LAMA2: variants seen among roughly 807,000 people sequenced by gnomAD.
LAMA2 encodes the protein laminin subunit alpha 2, also known as laminin subunit alpha-2.
Under a neutral mutation model 364.8 loss-of-function variants are expected in LAMA2, and 269 were observed. That is an observed-to-expected ratio of 0.74 (90% CI 0.67 to 0.82). The LOEUF (loss-of-function observed/expected upper bound fraction) is 0.82, where lower values mean the gene tolerates loss of function less well. Among genes scored for constraint, LAMA2 ranks in the 40% least tolerant of loss-of-function variants. The pLI is 0.00. For missense variants in LAMA2, 3,807 were observed against 3,873.2 expected (o/e 0.98, Z 0.45); for synonymous variants, 1,379 against 1,370.6 (o/e 1.01, Z -0.14).
At chr6:128,920,826 T>C (rs1778662087) in intron 1 of LAMA2, among the ~76,000 whole-genome samples, 1 of 152,096 alleles carries the variant, frequency 6.6e-6, no homozygotes, top group Non-Finnish European at 1.5e-5. Context: ...TGACTTTTTA[T>C]GTTGAGAAAG....
intron 4 of LAMA2, among the ~76,000 whole-genome samples, chr6:129,127,173 A>G (rs750703462): frequency 2.6e-5 from 4 of 152,222 alleles, no homozygotes; most frequent in Admixed American, 6.5e-5. Flanking sequence ...GCTGTGCACT[A>G]AAAGTAAAAA....
At chr6:129,054,439 G>A (rs1270740106) in intron 2 of LAMA2, among the ~76,000 whole-genome samples, 1 of 152,100 alleles carries the variant, frequency 6.6e-6, no homozygotes, top group Non-Finnish European at 1.5e-5. Flanking sequence ...CATTGGTTCA[G>A]GGACTGGTGG....
intron 1 of LAMA2, among the ~76,000 whole-genome samples, chr6:128,948,162 G>T (rs1001333603): frequency 6.6e-6 from 1 of 152,036 alleles, no homozygotes; most frequent in South Asian, 2.1e-4. Context: ...GGAGGTTAAG[G>T]CTAGAAAAAT....
chr6:129,292,709 T>C, intron 20 of LAMA2: 1 of 667,932 alleles, frequency 1.5e-6, no homozygotes, highest in Non-Finnish European at 1.9e-6. Flanking sequence ...CTGGCCTTAC[T>C]GTAGGAAGTT....
At chr6:129,389,814 G>C (rs369375099) in intron 35 of LAMA2, among the ~76,000 whole-genome samples, 1 of 152,132 alleles carries the variant, frequency 6.6e-6, no homozygotes, top group Non-Finnish European at 1.5e-5. Context: ...CACAAGAACA[G>C]CAAGGGGGGA....
chr6:129,169,354 G>C (rs1256101681), intron 9 of LAMA2, among the ~76,000 whole-genome samples: 1 of 149,526 alleles, frequency 6.7e-6, no homozygotes, highest in Non-Finnish European at 1.5e-5. Flanking sequence ...CTAATTTATT[G>C]AGAGTTTTTA....
At chr6:129,477,929 C>A (rs1784153028) in intron 53 of LAMA2, among the ~76,000 whole-genome samples, 1 of 152,132 alleles carries the variant, frequency 6.6e-6, no homozygotes, top group Non-Finnish European at 1.5e-5. Flanking sequence ...GGACTCCAGG[C>A]ACACACCAAC....
intron 29 of LAMA2, among the ~76,000 whole-genome samples, chr6:129,334,197 C>G (rs977939582): frequency 6.6e-6 from 1 of 152,134 alleles, no homozygotes; most frequent in Non-Finnish European, 1.5e-5. Context: ...CATATCATAT[C>G]CATTATACAG....
At chr6:128,925,361 C>T (rs1235758874) in intron 1 of LAMA2, among the ~76,000 whole-genome samples, 2 of 152,122 alleles carry the variant, frequency 1.3e-5, no homozygotes, top group Admixed American at 1.3e-4. Context: ...CACATGCTAC[C>T]ATATGAATGG....
chr6:129,198,703 A>G (rs1781995267), intron 12 of LAMA2, among the ~76,000 whole-genome samples: 1 of 152,196 alleles, frequency 6.6e-6, no homozygotes, highest in African/African-American at 2.4e-5. Context: ...CAAATAAGGA[A>G]GTATCAGAAA....
At chr6:129,446,524 GGAGGGGAGGGGAGGC>G (rs1419660669) in intron 45 of LAMA2, among the ~76,000 whole-genome samples, 2 of 67,982 alleles carry the variant, frequency 2.9e-5, no homozygotes, top group African/African-American at 1.2e-4. Context: ...AGAGGGGAGG[GGAGGGGAGGGGAGGC>G]GAGGGGAGGG....
At chr6:129,501,289 G>A (rs1785615025) in intron 58 of LAMA2, among the ~76,000 whole-genome samples, 3 of 152,172 alleles carry the variant, frequency 2.0e-5, no homozygotes, top group Admixed American at 2.0e-4. Flanking sequence ...AGGCCATTCA[G>A]CTGTGCGAAT....
chr6:129,445,680 T>G lies in LAMA2; in HGVS notation c.6288T>G (p.Asp2096Glu), dbSNP rs1476911813. Reference sequence around the variant, plus strand: ...TGTTCTATGCAGTTGCCGATGCAGATGCCACTGTCAAAAATTTAGAACAGG... The same window carrying G: ...TGTTCTATGCAGTTGCCGATGCAGAGGCCACTGTCAAAAATTTAGAACAGG... ...PSKNKIIADA[D>E]ATVKNLEQEA... Residue 2096 changes from aspartate to glutamate, a missense_variant, in exon 45 of 65, where the codon GAT (aspartate) becomes GAG (glutamate). By Grantham distance (45) the Asp-to-Glu change is conservative (BLOSUM62 2). Coordinates refer to ENST00000421865, the MANE Select transcript of LAMA2 (RefSeq NM_000426.4). 3 of 1,613,886 alleles carry G rather than the reference T, an allele frequency of 1.9e-6. No individual in the cohort carries two copies. Among genetic ancestry groups the G allele is most frequent in the Non-Finnish European group, 2.5e-6 (3 of 1,179,926 alleles).
chr6:129,045,536 A>C (rs1444950211), intron 1 of LAMA2, among the ~76,000 whole-genome samples: 2 of 152,150 alleles, frequency 1.3e-5, no homozygotes, highest in Non-Finnish European at 2.9e-5. Flanking sequence ...CATTTTTATA[A>C]AGTGGAAAGA....
chr6:129,038,627 T>C (rs1786846286), intron 1 of LAMA2, among the ~76,000 whole-genome samples: 1 of 152,222 alleles, frequency 6.6e-6, no homozygotes. Context: ...TCTACTCCTA[T>C]CATTATCTGA....
In LAMA2 at chr6:128,948,334, G is replaced by T. The variant is rs115048750; in HGVS notation, c.112+64977G>T. 4.2e-3 allele frequency among the ~76,000 whole-genome samples: 643 copies of T among 152,234 alleles called. 4 individuals carry two copies. The highest frequency in any genetic ancestry group is 0.015 in the African/African-American group (612 of 41,550). On this transcript the variant is annotated intron_variant, in intron 1 of 64. Transcript: ENST00000421865. ...TCAACAAAGATATTATACTGGTCCT[G>T]TGAAGAGGCTTAGTCACTTCCCAGT... is the stretch of plus-strand genomic sequence containing the variant.
chr6:128,957,236 T>A (rs907780617), intron 1 of LAMA2, among the ~76,000 whole-genome samples: 1 of 152,144 alleles, frequency 6.6e-6, no homozygotes, highest in Non-Finnish European at 1.5e-5. Context: ...TGGACTCCAG[T>A]ACTATTCTAT....
At chr6:129,453,495 C>A (rs1017379700) in intron 46 of LAMA2, among the ~76,000 whole-genome samples, 1 of 152,112 alleles carries the variant, frequency 6.6e-6, no homozygotes, top group Non-Finnish European at 1.5e-5. Context: ...ACAATAAACT[C>A]TTCCGTTAAT....
chr6:129,099,432 T>G (rs1775391671), intron 4 of LAMA2, among the ~76,000 whole-genome samples: 1 of 152,142 alleles, frequency 6.6e-6, no homozygotes, highest in African/African-American at 2.4e-5. Flanking sequence ...GTGACTCTCT[T>G]GAATTATTCA....
Sources: gnomAD v4.1 joint callset for allele counts (sites outside exome capture counted in the v4.1 genomes callset) on GRCh38, gnomAD v4.1.1 for gene constraint, MANE v1.5 for transcripts, NCBI Gene and HGNC (gene_info 2026-07-23, HGNC 2026-07-21) for gene names.